Variants in CLDN16 observed in about 807,000 individuals in gnomAD.
CLDN16 encodes claudin 16.
A neutral mutation model predicts 24.6 loss-of-function variants in CLDN16; 13 were observed. The ratio of observed to expected loss-of-function variants is 0.53; its 90% CI spans 0.34 to 0.84. The LOEUF (loss-of-function observed/expected upper bound fraction) is 0.84, where lower values mean the gene tolerates loss of function less well. Ranked by LOEUF, CLDN16 falls within the 40% of genes least tolerant of loss-of-function variation. The probability of loss-of-function intolerance (pLI) is 0.01; values close to 1 mark genes in which losing one functional copy is unlikely to be tolerated. For synonymous variants in CLDN16, 116 were observed against 106.7 expected, an observed-to-expected ratio of 1.09 and a Z score of -0.54; for missense variants, 298 against 292.7, an observed-to-expected ratio of 1.02 and a Z score of -0.13.
chr3:190,393,318 G>A (rs1338545937), intron 1 of CLDN16, among the ~76,000 whole-genome samples: 1 of 152,118 alleles, frequency 6.6e-6, no homozygotes, highest in Non-Finnish European at 1.5e-5. Context: ...TTAGAGGTAG[G>A]AACACAATTC....
intron 1 of CLDN16, among the ~76,000 whole-genome samples, chr3:190,323,483 T>G (rs2108617975): frequency 6.6e-6 from 1 of 152,316 alleles, no homozygotes; most frequent in East Asian, 1.9e-4. Context: ...AGCTTCCTTC[T>G]TTGTAGTTAG....
chr3:190,349,882 A>T (rs570940353), intron 1 of CLDN16, among the ~76,000 whole-genome samples: 1 of 152,308 alleles, frequency 6.6e-6, no homozygotes, highest in East Asian at 1.9e-4. Flanking sequence ...CAGGTATATA[A>T]GTGAGTTCAG....
At chr3:190,365,504 C>T (rs978778824) in intron 1 of CLDN16, among the ~76,000 whole-genome samples, 4 of 148,878 alleles carry the variant, frequency 2.7e-5, no homozygotes, top group Non-Finnish European at 5.9e-5. Flanking sequence ...CACCATCTTC[C>T]GTGAAAGTTC....
chr3:190,308,464 G>C, the CLDN16 span: 1 of 1,611,168 alleles, frequency 6.2e-7, no homozygotes, highest in Non-Finnish European at 8.5e-7. Context: ...CCATGTGCTT[G>C]TTAATCAGTG....
chr3:190,405,491 T>C (rs1381010258), intron 3 of CLDN16, among the ~76,000 whole-genome samples: 1 of 151,066 alleles, frequency 6.6e-6, no homozygotes, highest in African/African-American at 2.4e-5. Context: ...GTTTTGGCCA[T>C]TTAAAAAGTT....
chr3:190,349,889 T>C (rs1262639706), intron 1 of CLDN16, among the ~76,000 whole-genome samples: 2 of 152,180 alleles, frequency 1.3e-5, no homozygotes, highest in African/African-American at 4.8e-5. Flanking sequence ...ATAAGTGAGT[T>C]CAGACTGGGT....
intron 3 of CLDN16, among the ~76,000 whole-genome samples, chr3:190,377,335 T>G (rs577113055): frequency 4.7e-4 from 72 of 151,934 alleles, no homozygotes; most frequent in Admixed American, 1.4e-3. Flanking sequence ...CCAAATAACT[T>G]TTTTTTTCAC....
Position 190,374,237 on chromosome 3 carries a change from T to C in CLDN16, n.231-291T>C, listed in dbSNP as rs1179945957. Reference sequence around the variant, plus strand: ...ATCATCAATCTGTGGAGTCATTGGTTTTCTCTATTTTCCTTCCAGCCCTGA... The same window carrying C: ...ATCATCAATCTGTGGAGTCATTGGTCTTCTCTATTTTCCTTCCAGCCCTGA... On this transcript the variant is annotated intron_variant and non_coding_transcript_variant, in intron 2 of 4. Coordinates refer to the CLDN16 transcript ENST00000468220. Among the ~76,000 whole-genome samples the C allele has an allele frequency of 2.6e-5, 4 of 151,214 alleles. No homozygotes were observed. In the East Asian group the frequency reaches 7.8e-4, roughly 30 times the overall value.
intron 1 of CLDN16, among the ~76,000 whole-genome samples, chr3:190,390,755 C>T (rs902249703): frequency 6.6e-6 from 1 of 152,042 alleles, no homozygotes; most frequent in Non-Finnish European, 1.5e-5. Flanking sequence ...TATATATCAC[C>T]TTTGGTCCAT....
intron 2 of CLDN16, among the ~76,000 whole-genome samples, chr3:190,403,174 C>CA (rs954679090): frequency 6.6e-6 from 1 of 151,628 alleles, no homozygotes; most frequent in African/African-American, 2.4e-5. Flanking sequence ...ATAAAATTAC[C>CA]AAAAAAAGTT....
At position 190,410,120 on chromosome 3, in the gene CLDN16, A is replaced by G. The variant is rs1719237992; in HGVS notation, c.*84A>G. On this transcript the variant is annotated 3_prime_UTR_variant, in exon 5 of 5. Transcript: ENST00000264734. Reference sequence around the variant, plus strand: ...TAAAATAGTAAGTCAATCCAGGAACAGTTATTTAGAATTCATATTGAATTA... The same window carrying G: ...TAAAATAGTAAGTCAATCCAGGAACGGTTATTTAGAATTCATATTGAATTA... 2.1e-6 allele frequency: 3 copies of G among 1,439,428 alleles called. No individual in the cohort carries two copies. The highest frequency in any genetic ancestry group is 1.4e-5 in the African/African-American group (1 of 71,726). The allele number at this position is 1,439,428 out of a possible 1,614,324, so 89.2% of individuals were successfully genotyped here. A position where few individuals can be genotyped will look rare whatever the true frequency, so the allele number is the denominator to read the frequency against.
intron 1 of CLDN16, among the ~76,000 whole-genome samples, chr3:190,354,088 T>C (rs1185938881): frequency 2.6e-5 from 4 of 152,036 alleles, no homozygotes; most frequent in East Asian, 1.9e-4. Context: ...CTGTCGGTTA[T>C]AGTTATGTTG....
intron 1 of CLDN16, among the ~76,000 whole-genome samples, chr3:190,367,223 T>C (rs1718042996): frequency 6.6e-6 from 1 of 152,010 alleles, no homozygotes; most frequent in Non-Finnish European, 1.5e-5. Flanking sequence ...CGAAGGTTTG[T>C]ATTTGACCAT....
chr3:190,322,115 C>A (rs1379167045), upstream of CLDN16: 1 of 1,614,228 alleles, frequency 6.2e-7, no homozygotes. Context: ...GGAGTAAATC[C>A]TCCACTGGGG....
At chr3:190,389,424 A>G (rs138176952) in intron 1 of CLDN16, among the ~76,000 whole-genome samples, 1 of 152,332 alleles carries the variant, frequency 6.6e-6, no homozygotes, top group East Asian at 1.9e-4. Flanking sequence ...GACTGAGTTT[A>G]TATATTTTTC....
chr3:190,326,599 A>G (rs1320971317), intron 1 of CLDN16, among the ~76,000 whole-genome samples: 3 of 152,134 alleles, frequency 2.0e-5, no homozygotes, highest in Non-Finnish European at 4.4e-5. Context: ...ATATCAGATG[A>G]CTCCCACAGA....
intron 1 of CLDN16, among the ~76,000 whole-genome samples, chr3:190,399,461 G>A (rs1052508100): frequency 6.6e-6 from 1 of 152,086 alleles, no homozygotes; most frequent in South Asian, 2.1e-4. Context: ...GCCGTGAGCC[G>A]ATCGCGCCAT....
rs10563626 is a variant in CLDN16 at position 190,350,344 on chromosome 3, T to TTATATA, written n.122-20532_122-20527dup. ...AGTTTAAGAATCATAGTTCATAATGTTATATATATATATATATATATACTT... is the reference window on the plus strand; with the variant it reads ...AGTTTAAGAATCATAGTTCATAATGTTATATATATATATATATATATATATATACTT... On this transcript the variant is annotated intron_variant and non_coding_transcript_variant, in intron 1 of 4. Coordinates refer to the CLDN16 transcript ENST00000468220. Among the ~76,000 whole-genome samples the TTATATA allele has an allele frequency of 1.9e-3, 277 of 142,058 alleles. 5 individuals are homozygous for TTATATA. The highest frequency in any genetic ancestry group is 6.7e-3 in the African/African-American group (261 of 38,800). 93.2% of individuals were successfully genotyped at this position (142,058 alleles called of 152,430 possible). A position where few individuals can be genotyped will look rare whatever the true frequency, so the allele number is the denominator to read the frequency against.
chr3:190,370,507 T>C (rs1429259732), intron 1 of CLDN16, among the ~76,000 whole-genome samples: 1 of 151,984 alleles, frequency 6.6e-6, no homozygotes, highest in Non-Finnish European at 1.5e-5. Flanking sequence ...TTTCTAAATG[T>C]GGCCATGCTT....
Sources: gnomAD v4.1 joint callset for allele counts (sites outside exome capture counted in the v4.1 genomes callset) on GRCh38, gnomAD v4.1.1 for gene constraint, MANE v1.5 for transcripts, NCBI Gene and HGNC (gene_info 2026-07-23, HGNC 2026-07-21) for gene names.